Variants in CLN6 observed in about 807,000 individuals in gnomAD.
The protein encoded by CLN6 is ceroid-lipofuscinosis neuronal protein 6.
A neutral mutation model predicts 33.3 loss-of-function variants in CLN6; 22 were observed. The observed-to-expected ratio is 0.66, with a 90% CI of 0.47 to 0.94. The LOEUF is 0.94. CLN6 is among the 40% of genes least tolerant of loss of function. The pLI is 0.00. For synonymous variants in CLN6, 201 were observed against 174.6 expected, an observed-to-expected ratio of 1.15 and a Z score of -1.19; for missense variants, 387 against 417.1, an observed-to-expected ratio of 0.93 and a Z score of 0.63.
Position 68,208,018 on chromosome 15 carries a change from C to T in CLN6, c.*122G>A. On this transcript the variant is annotated 3_prime_UTR_variant, in exon 7 of 7. Coordinates refer to ENST00000249806, the MANE Select transcript of CLN6 (RefSeq NM_017882.3). This position sits in a 1 kb window ranked among gnomAD's most constrained non-coding sequence, Gnocchi z 5.8. ...CACACACGAATCCACGCACACGAGG[C>T]ACACCCCACTCATGCTCTCGGTCTC... 3.8e-6 allele frequency: 4 copies of T among 1,049,632 alleles called. No homozygotes were observed. The highest frequency in any genetic ancestry group is 2.9e-4 in the Middle Eastern group (1 of 3,398). The allele number at this position is 1,049,632 out of a possible 1,614,324, so 65.0% of individuals were successfully genotyped here.
chr15:68,255,293 A>T (rs1248214816), intron 1 of CLN6, among the ~76,000 whole-genome samples: 8 of 65,500 alleles, frequency 1.2e-4, no homozygotes, highest in Non-Finnish European at 1.7e-4. Flanking sequence ...AAACCCAGAC[A>T]CCTGTTGGAC....
chr15:68,240,614 A>G (rs1283153900), intron 1 of CLN6, among the ~76,000 whole-genome samples: 1 of 151,888 alleles, frequency 6.6e-6, no homozygotes, highest in East Asian at 1.9e-4. Context: ...AAATAAATAT[A>G]TACATAAAAT....
rs958789767 is a variant in CLN6, at chr15:68,241,940, G to C, written c.179+14750C>G. On this transcript the variant is annotated intron_variant, in intron 1 of 6. Transcript: ENST00000538696. The surrounding 1 kb of genome is among the most constrained non-coding windows in gnomAD (Gnocchi z 4.2). ...AAGAAATTCAGCAGTATATTACAAA[G>C]ACTCTATAAGCAAACATACCCAATA... Among the ~76,000 whole-genome samples the C allele has an allele frequency of 5.9e-5, 9 of 152,132 alleles. No individual in the cohort carries two copies. Among genetic ancestry groups the C allele is most frequent in the African/African-American group, 2.2e-4 (9 of 41,420 alleles).
intron 1 of CLN6, among the ~76,000 whole-genome samples, chr15:68,224,479 C>T (rs1341299410): frequency 1.3e-5 from 2 of 151,316 alleles, no homozygotes; most frequent in Middle Eastern, 3.2e-3. Flanking sequence ...AAAATTAGCC[C>T]AGCATGGTGG....
chr15:68,237,235 C>T (rs910080209), intron 1 of CLN6, among the ~76,000 whole-genome samples: 1 of 147,390 alleles, frequency 6.8e-6, no homozygotes, highest in Non-Finnish European at 1.5e-5. Context: ...AATCCTAGCA[C>T]TTTGGGAGGC....
At chr15:68,239,957 G>T (rs1202169342) in intron 1 of CLN6, among the ~76,000 whole-genome samples, 1 of 152,084 alleles carries the variant, frequency 6.6e-6, no homozygotes, top group African/African-American at 2.4e-5. Context: ...AAAAGAAAAA[G>T]AAGTGACACA....
intron 1 of CLN6, among the ~76,000 whole-genome samples, chr15:68,245,032 C>CAAAAAAAAA (rs34008952): frequency 4.0e-5 from 4 of 101,136 alleles, no homozygotes; most frequent in African/African-American, 1.1e-4. Flanking sequence ...AAGACTCTGA[C>CAAAAAAAAA]AAAAAAAAAA....
chr15:68,229,774 C>CGGAGGGAGGCGGGGCGGAGA (rs1246243519), upstream of CLN6: 7 of 366,398 alleles, frequency 1.9e-5, no homozygotes, highest in Non-Finnish European at 3.3e-5. Flanking sequence ...CGGAGCGGAG[C>CGGAGGGAGGCGGGGCGGAGA]GGAGGGAGGC....
At position 68,209,726 on chromosome 15, in the gene CLN6, G is replaced by A; in HGVS notation, c.576C>T (p.Tyr192=). ...TAGAGGCAGTAAAGCAGCCGCTGAA[G>A]TACATGAAGAGGATGAGGAAGAAGG... ...YIPFFLILFM[Y]FSGCFTASKA... is the part of the protein sequence containing the mutation. Residue 192 remains tyrosine, a synonymous_variant, in exon 6 of 7, where the codon TAC becomes TAT. Transcript: ENST00000249806. This position sits in a 1 kb window ranked among gnomAD's most constrained non-coding sequence, Gnocchi z 4.9. 1 of 1,613,854 alleles carries A rather than the reference G, an allele frequency of 6.2e-7. No individual in the cohort carries two copies. Among genetic ancestry groups the A allele is most frequent in the Non-Finnish European group, 8.5e-7 (1 of 1,179,964 alleles).
chr15:68,228,732 C>T lies in CLN6; in HGVS notation c.83+770G>A, dbSNP rs376027072. 5.4e-4 allele frequency among the ~76,000 whole-genome samples: 82 copies of T among 152,286 alleles called. No homozygotes were observed. The East Asian group carries it at 0.012, about 22-fold the overall frequency. On this transcript the variant is annotated intron_variant, in intron 1 of 6. Coordinates refer to ENST00000249806, the MANE Select transcript of CLN6 (RefSeq NM_017882.3). The surrounding 1 kb of genome is among the most constrained non-coding windows in gnomAD (Gnocchi z 4.4). ...ATGACCGCTCACTCCCACTTGGGCTCTGTCTCTCCTGATCCCTACAGGACC... is the reference window on the plus strand; with the variant it reads ...ATGACCGCTCACTCCCACTTGGGCTTTGTCTCTCCTGATCCCTACAGGACC...
rs1378642685 is a variant in CLN6 at position 68,246,485 on chromosome 15, A to G, written c.179+10205T>C. 6.6e-6 allele frequency among the ~76,000 whole-genome samples: 1 copy of G among 152,158 alleles called. No individual in the cohort carries two copies. Among genetic ancestry groups the G allele is most frequent in the Admixed American group, 6.5e-5 (1 of 15,278 alleles). ...TGAACAACCAATGGGTCAATGAAGA[A>G]ATTAAAAAGAAAATTTAAAAAATTT... On this transcript the variant is annotated intron_variant, in intron 1 of 6. Transcript: ENST00000538696. The surrounding 1 kb of genome is among the most constrained non-coding windows in gnomAD (Gnocchi z 4.5).
intron 1 of CLN6, among the ~76,000 whole-genome samples, chr15:68,225,749 G>A (rs1412764909): frequency 3.3e-5 from 5 of 151,580 alleles, no homozygotes; most frequent in South Asian, 2.1e-4. Context: ...AAGGCAGGTG[G>A]ATCACCTGAG....
At chr15:68,230,513 G>A (rs144081875), upstream of CLN6, among the ~76,000 whole-genome samples, 1,575 of 152,232 alleles carry the variant, frequency 0.01, 9 homozygotes, top group Non-Finnish European at 0.014. The surrounding 1 kb of genome is among the most constrained non-coding windows in gnomAD (Gnocchi z 4.0). Flanking sequence ...AGAACCAAAG[G>A]TCAAACCTGA....
chr15:68,240,609 A>G (rs958060709), intron 1 of CLN6, among the ~76,000 whole-genome samples: 2 of 151,932 alleles, frequency 1.3e-5, no homozygotes, highest in Non-Finnish European at 2.9e-5. Flanking sequence ...TAAATAAATA[A>G]ATATATACAT....
chr15:68,212,850 C>G (rs1021720144), intron 3 of CLN6: 2 of 152,114 alleles, frequency 1.3e-5, no homozygotes, highest in Admixed American at 6.5e-5. Context: ...CATACACAGC[C>G]TGAAGTTAAT....
In CLN6 at chr15:68,234,764, C is replaced by A. The variant is rs1892202562; in HGVS notation, c.180-16114G>T. On this transcript the variant is annotated intron_variant, in intron 1 of 6. Coordinates refer to the CLN6 transcript ENST00000538696. The surrounding 1 kb of genome is among the most constrained non-coding windows in gnomAD (Gnocchi z 4.1). ...GGGCGCGGTGGCTCACGCATGTAATCCCAGCACTTTGGGAGGCCAAGGTGA... is the reference window on the plus strand; with the variant it reads ...GGGCGCGGTGGCTCACGCATGTAATACCAGCACTTTGGGAGGCCAAGGTGA... 6.6e-6 allele frequency among the ~76,000 whole-genome samples: 1 copy of A among 152,218 alleles called. No homozygotes were observed. The highest frequency in any genetic ancestry group is 2.4e-5 in the African/African-American group (1 of 41,446).
chr15:68,238,781 T>C (rs1333316142), intron 1 of CLN6, among the ~76,000 whole-genome samples: 2 of 152,158 alleles, frequency 1.3e-5, no homozygotes, highest in African/African-American at 4.8e-5. Context: ...GGGAAACATT[T>C]CTAAAAATAT....
chr15:68,233,741 T>G (rs1290461311), upstream of CLN6, among the ~76,000 whole-genome samples: 6 of 152,132 alleles, frequency 3.9e-5, no homozygotes, highest in Admixed American at 2.6e-4. This position sits in a 1 kb window ranked among gnomAD's most constrained non-coding sequence, Gnocchi z 4.3. Flanking sequence ...TCAGTTACTT[T>G]GGAGAGAGGC....
chr15:68,216,105 G>T (rs1185889671), intron 2 of CLN6, among the ~76,000 whole-genome samples: 1 of 152,216 alleles, frequency 6.6e-6, no homozygotes, highest in East Asian at 1.9e-4. Context: ...AGTGGTCACA[G>T]CAGCTCTAAG....
Sources: gnomAD v4.1 joint callset for allele counts (sites outside exome capture counted in the v4.1 genomes callset) on GRCh38, gnomAD v4.1.1 for gene constraint, Gnocchi (gnomAD v3.1) non-coding constraint, MANE v1.5 for transcripts, NCBI Gene and HGNC (gene_info 2026-07-23, HGNC 2026-07-21) for gene names.